MPP7: variants seen among roughly 807,000 people sequenced by gnomAD.
MPP7 encodes MAGUK p55 subfamily member 7.
Under a neutral mutation model 76.5 loss-of-function variants are expected in MPP7, and 60 were observed. The observed-to-expected ratio is 0.78, with a 90% CI of 0.64 to 0.97. MPP7 has a LOEUF of 0.97. MPP7 is among the 50% of genes least tolerant of loss of function. The pLI is 0.00. For synonymous variants in MPP7, 237 were observed against 244.5 expected (o/e 0.97, Z 0.29); for missense variants, 641 against 694.0 (o/e 0.92, Z 0.86).
chr10:28,272,756 G>C (rs1840365397), intron 1 of MPP7, among the ~76,000 whole-genome samples: 1 of 151,980 alleles, frequency 6.6e-6, no homozygotes, highest in Non-Finnish European at 1.5e-5. Context: ...GGAACAGGAG[G>C]GGAAAAGTAT....
intron 1 of MPP7, among the ~76,000 whole-genome samples, chr10:28,259,081 GT>G (rs978615554): frequency 2.6e-5 from 4 of 151,174 alleles, no homozygotes; most frequent in African/African-American, 7.3e-5. Context: ...CCTCCACCAG[GT>G]TTTTTTTTAA....
chr10:28,281,974 G>A (rs1486816860), intron 1 of MPP7: 2 of 152,102 alleles, frequency 1.3e-5, no homozygotes, highest in Non-Finnish European at 2.9e-5. Flanking sequence ...ACACTGGAAG[G>A]CTACAAGCAG....
chr10:28,179,452 AT>A (rs1175092882), intron 3 of MPP7, among the ~76,000 whole-genome samples: 1 of 152,168 alleles, frequency 6.6e-6, no homozygotes, highest in Non-Finnish European at 1.5e-5. Context: ...TATAATAACT[AT>A]TTAAATACAT....
At chr10:28,310,002 C>CTTTTTTT (rs770667750) in intron 2 of MPP7, among the ~76,000 whole-genome samples, 2 of 111,306 alleles carry the variant, frequency 1.8e-5, no homozygotes, top group African/African-American at 3.4e-5. Flanking sequence ...CCAATTAAAC[C>CTTTTTTT]TTTTTTTTTT....
intron 1 of MPP7, among the ~76,000 whole-genome samples, chr10:28,263,949 C>T (rs112960110): frequency 6.6e-6 from 1 of 151,838 alleles, no homozygotes; most frequent in African/African-American, 2.4e-5. Context: ...GAGCTTCAAT[C>T]CCCAGAAAAA....
At chr10:28,166,058 C>T (rs72803660) in intron 3 of MPP7, among the ~76,000 whole-genome samples, 9,851 of 150,564 alleles carry the variant, frequency 0.065, 369 homozygotes, top group Middle Eastern at 0.12. Flanking sequence ...TAGTGTCCCA[C>T]ATGGTCCTGA....
chr10:28,248,661 A>C (rs1411719096), intron 1 of MPP7, among the ~76,000 whole-genome samples: 1 of 152,192 alleles, frequency 6.6e-6, no homozygotes, highest in African/African-American at 2.4e-5. Context: ...GTTTCTGTCA[A>C]TCACACACCA....
rs1203207907 is a variant in MPP7, at chr10:28,315,160, AAG to A, written c.-132+14767_-132+14768del. Among the ~76,000 whole-genome samples the A allele has an allele frequency of 2.7e-5, 4 of 150,114 alleles. 1 individual carries two copies. The highest frequency in any genetic ancestry group is 9.8e-5 in the African/African-American group (4 of 40,958). On this transcript the variant is annotated intron_variant, in intron 2 of 11. Transcript: ENST00000441595. ...GGAGACCCTGTGAAAGAAAGACAGA[AAG>A]AGAGAGAGAGAAAAACAAAGAGAAG...
At position 28,056,370 on chromosome 10, in the gene MPP7, G is replaced by T. The variant is rs1413597842; in HGVS notation, c.1551+110C>A. ...GATGGGGTTTCACCACCTTGGCCAGGCTGGTCTTGAACTCCTGGACTCAAA... is the reference window on the plus strand; with the variant it reads ...GATGGGGTTTCACCACCTTGGCCAGTCTGGTCTTGAACTCCTGGACTCAAA... On this transcript the variant is annotated intron_variant, in intron 16 of 16. Transcript: ENST00000683449. 8 of 1,133,874 alleles carry T rather than the reference G, an allele frequency of 7.1e-6. No individual in the cohort carries two copies. The Admixed American group carries it at 1.0e-4, about 15-fold the overall frequency. The allele number at this position is 1,133,874 out of a possible 1,614,324, so 70.2% of individuals were successfully genotyped here.
Position 28,054,102 on chromosome 10 carries a change from T to A in MPP7, c.1694A>T (p.Glu565Val), listed in dbSNP as rs375543808. The change falls in exon 17 of 17, where the codon GAG (glutamate) becomes GTG (valine). Residue 565 changes from glutamate to valine, a missense_variant. Transcript: ENST00000683449. ...LKTTFDKLET[E>V]THWVPVSWLH... ...CCAGCTCACTGGCACCCAATGGGTC[T>A]CTGTCTCTAATTTGTCAAAAGTTGT... 1.9e-6 allele frequency: 3 copies of A among 1,613,804 alleles called. No individual in the cohort carries two copies. In the African/African-American group the frequency reaches 4.0e-5, roughly 22 times the overall value.
intron 1 of MPP7, among the ~76,000 whole-genome samples, chr10:28,284,402 T>C (rs1275209306): frequency 6.6e-6 from 1 of 152,176 alleles, no homozygotes; most frequent in African/African-American, 2.4e-5. Flanking sequence ...AAAACAGGTC[T>C]GGCCTGAAGC....
At chr10:28,109,840 C>T (rs998333279) in intron 11 of MPP7, among the ~76,000 whole-genome samples, 7 of 53,130 alleles carry the variant, frequency 1.3e-4, no homozygotes, top group African/African-American at 2.7e-4. Flanking sequence ...GAAGGCCAGC[C>T]GCAGACGCAA....
chr10:28,151,977 T>C (rs1247092376), intron 3 of MPP7, among the ~76,000 whole-genome samples: 2 of 152,226 alleles, frequency 1.3e-5, no homozygotes, highest in Non-Finnish European at 2.9e-5. Context: ...CATCAGTGGT[T>C]CCTCTCCATC....
intron 6 of MPP7, among the ~76,000 whole-genome samples, chr10:28,131,232 C>G (rs1321518861): frequency 2.0e-5 from 3 of 152,140 alleles, no homozygotes; most frequent in Admixed American, 2.0e-4. Context: ...TATAAAATAA[C>G]TTAAAGTTGC....
At chr10:28,213,618 C>A (rs943238679) in intron 2 of MPP7, among the ~76,000 whole-genome samples, 84 of 151,538 alleles carry the variant, frequency 5.5e-4, no homozygotes, top group African/African-American at 1.9e-3. Context: ...CATGGTGAAA[C>A]CCTGTTGTAA....
chr10:28,127,268 C>T (rs1233808074), intron 6 of MPP7, among the ~76,000 whole-genome samples: 1 of 152,116 alleles, frequency 6.6e-6, no homozygotes, highest in Non-Finnish European at 1.5e-5. Flanking sequence ...CTGTGCAAGG[C>T]ACCGTTCTAA....
intron 3 of MPP7, among the ~76,000 whole-genome samples, chr10:28,172,437 G>A (rs1836714910): frequency 6.6e-6 from 1 of 152,278 alleles, no homozygotes; most frequent in Non-Finnish European, 1.5e-5. Context: ...TAGACACTTG[G>A]TCTACCCTAA....
chr10:28,331,214 T>C (rs1249269), intron 1 of MPP7, among the ~76,000 whole-genome samples: 84,545 of 151,980 alleles, frequency 0.56, 24,588 homozygotes, highest in African/African-American at 0.67. Context: ...AGACTTTCTC[T>C]GGCTTCCCAT....
chr10:28,206,950 C>T (rs1837967906), intron 2 of MPP7, among the ~76,000 whole-genome samples: 1 of 152,052 alleles, frequency 6.6e-6, no homozygotes, highest in Non-Finnish European at 1.5e-5. Context: ...TGAATAGTGT[C>T]CTTTTTTAAA....
Sources: allele counts gnomAD v4.1 joint callset (sites outside exome capture counted in the v4.1 genomes callset), GRCh38; gene constraint gnomAD v4.1.1; transcripts MANE v1.5; gene names NCBI Gene and HGNC (gene_info 2026-07-23, HGNC 2026-07-21).